Variants in RAB38 observed in about 807,000 individuals in gnomAD.
RAB38 encodes RAB38, member RAS oncogene family, also known as ras-related protein Rab-38.
RAB38 carries 15 observed loss-of-function variants against 18.4 expected under a neutral mutation model. The observed-to-expected ratio is 0.82, with a 90% CI of 0.55 to 1.26. RAB38 has a LOEUF of 1.26. Ranked by LOEUF, RAB38 falls within the 50% of genes most tolerant of loss-of-function variation. The pLI is 0.00. For missense variants in RAB38, 294 were observed against 267.4 expected, an observed-to-expected ratio of 1.10 and a Z score of -0.69; for synonymous variants, 101 against 104.4, an observed-to-expected ratio of 0.97 and a Z score of 0.20.
At chr11:87,939,430 AG>A in the RAB38 span, among the ~76,000 whole-genome samples, 1 of 152,010 alleles carries the variant, frequency 6.6e-6, no homozygotes, top group Non-Finnish European at 1.5e-5. Flanking sequence ...ACATCAATAT[AG>A]AAATAAAGAA....
chr11:88,091,971 AG>A, the RAB38 span, among the ~76,000 whole-genome samples: 1 of 151,842 alleles, frequency 6.6e-6, no homozygotes, highest in South Asian at 2.1e-4. Flanking sequence ...AGAACTGTGA[AG>A]AAAAAGGCAA....
intron 2 of RAB38, among the ~76,000 whole-genome samples, chr11:88,128,046 T>G (rs1259102123): frequency 6.6e-6 from 1 of 152,176 alleles, no homozygotes; most frequent in Non-Finnish European, 1.5e-5. Flanking sequence ...GATTCAAATT[T>G]AAAAAGCACA....
chr11:87,931,184 TCCTA>T, the RAB38 span, among the ~76,000 whole-genome samples: 1 of 152,128 alleles, frequency 6.6e-6, no homozygotes, highest in Non-Finnish European at 1.5e-5. Context: ...TATTGATTCT[TCCTA>T]CCCATGAGCA....
the RAB38 span, among the ~76,000 whole-genome samples, chr11:87,949,419 T>G: frequency 6.6e-6 from 1 of 152,222 alleles, no homozygotes; most frequent in African/African-American, 2.4e-5. Context: ...AGTTATTTCT[T>G]GCCTTCTGCT....
the RAB38 span, chr11:88,062,229 C>G: frequency 3.3e-5 from 5 of 151,830 alleles, no homozygotes; most frequent in Admixed American, 3.3e-4. Flanking sequence ...GGTGGTTTCC[C>G]CCATGCTATT....
the RAB38 span, among the ~76,000 whole-genome samples, chr11:87,860,521 C>CA: frequency 6.6e-6 from 1 of 151,846 alleles, no homozygotes; most frequent in Non-Finnish European, 1.5e-5. Flanking sequence ...TATTTACTTT[C>CA]ATTGCGAATA....
chr11:87,873,802 A>C, the RAB38 span, among the ~76,000 whole-genome samples: 1 of 150,644 alleles, frequency 6.6e-6, no homozygotes, highest in Non-Finnish European at 1.5e-5. Context: ...TCTGTTATAA[A>C]TTTGGTTTAA....
At chr11:87,905,824 T>A in the RAB38 span, among the ~76,000 whole-genome samples, 1 of 151,968 alleles carries the variant, frequency 6.6e-6, no homozygotes, top group Non-Finnish European at 1.5e-5. Flanking sequence ...AGAGCTCCTT[T>A]TCTTCACAGT....
the RAB38 span, among the ~76,000 whole-genome samples, chr11:88,082,567 A>G: frequency 6.6e-6 from 1 of 151,900 alleles, no homozygotes; most frequent in Non-Finnish European, 1.5e-5. Context: ...CCATCTCAAG[A>G]AAGAGCAACA....
the RAB38 span, among the ~76,000 whole-genome samples, chr11:88,103,525 T>C: frequency 6.6e-6 from 1 of 152,084 alleles, no homozygotes; most frequent in African/African-American, 2.4e-5. Flanking sequence ...GGCGTCTAAA[T>C]AGTTGAGTTT....
chr11:87,868,477 C>G, the RAB38 span, among the ~76,000 whole-genome samples: 1 of 150,992 alleles, frequency 6.6e-6, no homozygotes, highest in South Asian at 2.1e-4. Context: ...TATTCTTTTA[C>G]AGCAACACAA....
At chr11:87,823,557 A>T in the RAB38 span, among the ~76,000 whole-genome samples, 1 of 152,216 alleles carries the variant, frequency 6.6e-6, no homozygotes, top group Non-Finnish European at 1.5e-5. Context: ...TATCTAACAT[A>T]AGAATAGAAA....
At chr11:87,976,276 G>A in the RAB38 span, among the ~76,000 whole-genome samples, 6 of 140,230 alleles carry the variant, frequency 4.3e-5, no homozygotes, top group South Asian at 2.2e-4. Flanking sequence ...GAAGGTGTGT[G>A]TATATATATA....
the RAB38 span, among the ~76,000 whole-genome samples, chr11:88,076,984 G>GGAAAAGAAAAGAAAAGAAAAGA: frequency 2.8e-4 from 18 of 63,694 alleles, no homozygotes; most frequent in African/African-American, 1.4e-3. Context: ...AAGAAAGAAA[G>GGAAAAGAAAAGAAAAGAAAAGA]AAAGAAAAGA....
At chr11:87,873,894 A>G in the RAB38 span, among the ~76,000 whole-genome samples, 110,587 of 122,708 alleles carry the variant, frequency 0.9, 49,580 homozygotes, top group Non-Finnish European at 0.92. Context: ...ATGTGTGTGT[A>G]TATATATATA....
At chr11:87,905,925 G>C in the RAB38 span, among the ~76,000 whole-genome samples, 5 of 151,906 alleles carry the variant, frequency 3.3e-5, no homozygotes, top group African/African-American at 4.8e-5. Context: ...AAAACATTAT[G>C]TCCAAACTTT....
At chr11:88,023,165 T>C in the RAB38 span, among the ~76,000 whole-genome samples, 1 of 151,686 alleles carries the variant, frequency 6.6e-6, no homozygotes, top group South Asian at 2.1e-4. Context: ...TTAAAAAAAA[T>C]GAGAGAAAAA....
At chr11:88,084,936 A>G in the RAB38 span, among the ~76,000 whole-genome samples, 1 of 151,886 alleles carries the variant, frequency 6.6e-6, no homozygotes, top group African/African-American at 2.4e-5. Flanking sequence ...CCATTTTATA[A>G]AGGCAGAATT....
the RAB38 span, among the ~76,000 whole-genome samples, chr11:87,850,658 A>G: frequency 6.6e-6 from 1 of 151,830 alleles, no homozygotes; most frequent in Non-Finnish European, 1.5e-5. Context: ...CCAAGTATAT[A>G]CACCCAAGAC....
Sources: gnomAD v4.1 joint callset for allele counts (sites outside exome capture counted in the v4.1 genomes callset) on GRCh38, gnomAD v4.1.1 for gene constraint, MANE v1.5 for transcripts, NCBI Gene and HGNC (gene_info 2026-07-23, HGNC 2026-07-21) for gene names.